UIMC1: variants seen among roughly 807,000 people sequenced by gnomAD.
UIMC1 encodes the protein BRCA1-A complex subunit RAP80.
Under a neutral mutation model 84.9 loss-of-function variants are expected in UIMC1, and 42 were observed. The ratio of observed to expected loss-of-function variants is 0.49; its 90% CI spans 0.39 to 0.64. The LOEUF (loss-of-function observed/expected upper bound fraction) is 0.64, where lower values mean the gene tolerates loss of function less well. Ranked by LOEUF, UIMC1 falls within the 30% of genes least tolerant of loss-of-function variation. The pLI, the probability that UIMC1 is intolerant of heterozygous loss-of-function variation, is 0.00. For synonymous variants in UIMC1, 281 were observed against 293.0 expected (o/e 0.96, Z 0.42); for missense variants, 825 against 847.6 (o/e 0.97, Z 0.33).
rs144189509 is a variant in UIMC1 at position 176,950,394 on chromosome 5, G to A, written c.1443+1080C>T. Among the ~76,000 whole-genome samples, 7 of 150,988 alleles carry A rather than the reference G, an allele frequency of 4.6e-5. No individual in the cohort carries two copies. In the East Asian group the frequency reaches 6.1e-4, roughly 13 times the overall value. ...ATTACAGGCATGAGCCACTGCGCCC[G>A]GCCAAAAAGGAACCTTTCTTACAGT... On this transcript the variant is annotated intron_variant, in intron 9 of 14. Coordinates refer to ENST00000511320, the MANE Select transcript of UIMC1 (RefSeq NM_001199298.2).
intron 11 of UIMC1, among the ~76,000 whole-genome samples, chr5:176,909,897 A>C (rs1759894497): frequency 6.6e-6 from 1 of 152,176 alleles, no homozygotes; most frequent in Non-Finnish European, 1.5e-5. Flanking sequence ...AGTTACATAA[A>C]ATTTCTCTTT....
At chr5:176,918,365 C>T (rs1189254566) in intron 10 of UIMC1, among the ~76,000 whole-genome samples, 1 of 152,222 alleles carries the variant, frequency 6.6e-6, no homozygotes, top group Non-Finnish European at 1.5e-5. Flanking sequence ...TCCTATGGCT[C>T]CTACCATCTC....
Position 176,975,433 on chromosome 5 carries a change from C to A in UIMC1, c.195G>T (p.Ser65=), listed in dbSNP as rs772051729. 6.2e-7 allele frequency: 1 copy of A among 1,614,000 alleles called. No individual in the cohort carries two copies. The highest frequency in any genetic ancestry group is 8.5e-7 in the Non-Finnish European group (1 of 1,179,974). ...TTTTGGCCAAACACTTTGCTCTATT[C>A]GACTGTTTTGTCTTCGTTTTCTGCA... ...NGLQKTKTKQ[S]NRAKCLAKRK... The change falls in exon 3 of 15, where the codon TCG becomes TCT. Residue 65 remains serine, a synonymous_variant. Transcript: ENST00000511320.
chr5:176,911,603 A>G (rs1411539527), intron 10 of UIMC1, among the ~76,000 whole-genome samples: 5 of 152,186 alleles, frequency 3.3e-5, no homozygotes, highest in Non-Finnish European at 4.4e-5. Context: ...TGTCCGCCAC[A>G]AGATATTCCG....
At chr5:176,976,283 C>T (rs1309893678) in intron 2 of UIMC1, among the ~76,000 whole-genome samples, 1 of 151,966 alleles carries the variant, frequency 6.6e-6, no homozygotes, top group African/African-American at 2.4e-5. Flanking sequence ...CCACGATATT[C>T]CAGCCTGGGA....
At position 176,909,479 on chromosome 5, in the gene UIMC1, T is replaced by C. The variant is rs191345724; in HGVS notation, c.1677-785A>G. Among the ~76,000 whole-genome samples, 825 of 152,306 alleles carry C rather than the reference T, an allele frequency of 5.4e-3. 5 individuals are homozygous for C. Among genetic ancestry groups the C allele is most frequent in the South Asian group, 0.029 (141 of 4,834 alleles). Reference sequence around the variant, plus strand: ...CATTAGGAAGGAACTAGTCTAACTATGGTCTTATAGGTAATAATTGTCAGA... The same window carrying C: ...CATTAGGAAGGAACTAGTCTAACTACGGTCTTATAGGTAATAATTGTCAGA... On this transcript the variant is annotated intron_variant, in intron 11 of 14. Coordinates refer to ENST00000511320, the MANE Select transcript of UIMC1 (RefSeq NM_001199298.2).
intron 1 of UIMC1, chr5:177,022,439 G>A (rs550360556): frequency 2.8e-6 from 1 of 354,338 alleles, no homozygotes; most frequent in South Asian, 7.1e-5. Flanking sequence ...CCTTGAGAAC[G>A]AAATGAAAAG....
At chr5:177,011,878 G>T (rs868578314) in intron 1 of UIMC1, among the ~76,000 whole-genome samples, 1 of 151,396 alleles carries the variant, frequency 6.6e-6, no homozygotes, top group Non-Finnish European at 1.5e-5. Context: ...TCAGCTCACC[G>T]CAAGCTCTGC....
intron 10 of UIMC1, among the ~76,000 whole-genome samples, chr5:176,920,266 G>T (rs1310026281): frequency 6.6e-6 from 1 of 152,076 alleles, no homozygotes; most frequent in African/African-American, 2.4e-5. Context: ...GACCTCAGGT[G>T]ATCCGCCCAC....
chr5:176,928,039 T>C (rs1295912193), intron 10 of UIMC1, among the ~76,000 whole-genome samples: 1 of 152,080 alleles, frequency 6.6e-6, no homozygotes, highest in African/African-American at 2.4e-5. Flanking sequence ...AGATAGGGTT[T>C]CACCATGTTG....
chr5:176,940,500 TA>T (rs1214572937), intron 10 of UIMC1, among the ~76,000 whole-genome samples: 1 of 152,184 alleles, frequency 6.6e-6, no homozygotes, highest in East Asian at 1.9e-4. Context: ...TGTAAGTGCT[TA>T]GTAAGACAGA....
chr5:176,924,971 C>T (rs1173273668), intron 10 of UIMC1, among the ~76,000 whole-genome samples: 2 of 141,114 alleles, frequency 1.4e-5, no homozygotes, highest in Non-Finnish European at 3.0e-5. Context: ...GCAGAGGCTG[C>T]AATGAGCTGA....
chr5:176,992,523 A>T (rs577738207), intron 1 of UIMC1, among the ~76,000 whole-genome samples: 1 of 151,232 alleles, frequency 6.6e-6, no homozygotes, highest in East Asian at 1.9e-4. Context: ...GAAATTTTTT[A>T]AATTGATAAA....
intron 14 of UIMC1, 186 bp from the exon 15 acceptor site, chr5:176,905,678 T>TA: frequency 1.5e-6 from 1 of 669,014 alleles, no homozygotes; most frequent in Non-Finnish European, 2.5e-6. Context: ...ATATACTACT[T>TA]AAAGCTGGCC....
chr5:176,907,320 C>T (rs950401204), intron 12 of UIMC1, 143 bp from the exon 13 acceptor site: 31 of 741,430 alleles, frequency 4.2e-5, no homozygotes, highest in African/African-American at 1.8e-4. Context: ...TTCTAATAAA[C>T]GAGGGTTTCA....
Position 176,908,509 on chromosome 5 carries a change from C to CGTTTT in UIMC1, c.1848+13_1848+14insAAAAC. ...GAGGGTTAGGTGGCCTTTCCCAAAA[C>CGTTTT]ACTCTACACATACCTTTGGGTTCTT... On this transcript the variant is annotated intron_variant, in intron 12 of 14. Transcript: ENST00000511320. The CGTTTT allele has an allele frequency of 6.2e-7, 1 of 1,608,378 alleles. No individual in the cohort carries two copies. Among genetic ancestry groups the CGTTTT allele is most frequent in the South Asian group, 1.1e-5 (1 of 90,308 alleles).
At chr5:176,959,776 A>G (rs1047896516) in intron 6 of UIMC1, among the ~76,000 whole-genome samples, 1 of 151,852 alleles carries the variant, frequency 6.6e-6, no homozygotes, top group Non-Finnish European at 1.5e-5. Flanking sequence ...TCACGCCTGT[A>G]ATCCCAGCAC....
At chr5:176,948,017 T>C (rs943657218) in intron 9 of UIMC1, among the ~76,000 whole-genome samples, 4 of 151,932 alleles carry the variant, frequency 2.6e-5, no homozygotes, top group Non-Finnish European at 5.9e-5. Context: ...CCCAATTATG[T>C]GTAGCTTAGA....
intron 10 of UIMC1, among the ~76,000 whole-genome samples, chr5:176,940,429 T>C (rs2149438494): frequency 6.6e-6 from 1 of 152,334 alleles, no homozygotes; most frequent in East Asian, 1.9e-4. Flanking sequence ...CAAACTCATT[T>C]ATTTCTGGAC....
Sources: allele counts gnomAD v4.1 joint callset (sites outside exome capture counted in the v4.1 genomes callset), GRCh38; gene constraint gnomAD v4.1.1; transcripts MANE v1.5; gene names NCBI Gene and HGNC (gene_info 2026-07-23, HGNC 2026-07-21).